GTF2F2: variants seen among roughly 807,000 people sequenced by gnomAD.
The protein encoded by GTF2F2 is ATP-dependent helicase GTF2F2.
In GTF2F2, 23 loss-of-function variants were observed where a neutral mutation model predicts 42.2. The observed-to-expected ratio is 0.55, with a 90% confidence interval of 0.39 to 0.77. The LOEUF is 0.77. Among genes scored for constraint, GTF2F2 ranks in the 30% least tolerant of loss-of-function variants. GTF2F2 has a pLI of 0.00. For synonymous variants in GTF2F2, 105 were observed against 100.8 expected, an observed-to-expected ratio of 1.04 and a Z score of -0.25; for missense variants, 261 against 287.2, an observed-to-expected ratio of 0.91 and a Z score of 0.66.
At chr13:45,210,195 A>G (rs911359613) in intron 5 of GTF2F2, among the ~76,000 whole-genome samples, 1 of 152,196 alleles carries the variant, frequency 6.6e-6, no homozygotes, top group Non-Finnish European at 1.5e-5. Flanking sequence ...ATAATGATCT[A>G]CAGGGTCCTA....
At chr13:45,121,358 T>A (rs1042650816) in intron 1 of GTF2F2, among the ~76,000 whole-genome samples, 2 of 152,236 alleles carry the variant, frequency 1.3e-5, no homozygotes, top group Non-Finnish European at 2.9e-5. Flanking sequence ...CTTTATTGTT[T>A]CATATTGGGG....
intron 7 of GTF2F2, among the ~76,000 whole-genome samples, chr13:45,275,989 C>G (rs1203681854): frequency 6.6e-6 from 1 of 152,106 alleles, no homozygotes. Context: ...CTACATGCAT[C>G]CTCCAGTATA....
intron 2 of GTF2F2, among the ~76,000 whole-genome samples, chr13:45,146,330 T>C (rs1870192276): frequency 1.3e-5 from 2 of 152,044 alleles, no homozygotes; most frequent in Non-Finnish European, 2.9e-5. Flanking sequence ...ACCCTGTCTC[T>C]ACAAAAATAA....
At chr13:45,157,051 C>T (rs752285993) in intron 4 of GTF2F2, among the ~76,000 whole-genome samples, 2 of 151,980 alleles carry the variant, frequency 1.3e-5, no homozygotes, top group Non-Finnish European at 2.9e-5. Flanking sequence ...GAAGTAGGCT[C>T]GGGAGTATCA....
At chr13:45,277,767 A>G (rs1176509036) in intron 7 of GTF2F2, among the ~76,000 whole-genome samples, 1 of 152,262 alleles carries the variant, frequency 6.6e-6, no homozygotes, top group African/African-American at 2.4e-5. Context: ...AAATTATCAC[A>G]GAATCGATAA....
At chr13:45,147,340 T>C (rs1315366116) in intron 2 of GTF2F2, among the ~76,000 whole-genome samples, 1 of 152,244 alleles carries the variant, frequency 6.6e-6, no homozygotes, top group East Asian at 1.9e-4. Flanking sequence ...GTAAACATTA[T>C]GGAAGTGTCT....
chr13:45,138,297 A>G (rs1455584306), intron 2 of GTF2F2, among the ~76,000 whole-genome samples: 1 of 152,146 alleles, frequency 6.6e-6, no homozygotes, highest in Non-Finnish European at 1.5e-5. Context: ...ATTTAAATAT[A>G]CAGTTCAGGA....
intron 5 of GTF2F2, among the ~76,000 whole-genome samples, chr13:45,238,585 T>C (rs1267940331): frequency 6.6e-6 from 1 of 152,074 alleles, no homozygotes; most frequent in Non-Finnish European, 1.5e-5. Context: ...ATCCGAACTT[T>C]CGAGATGAAA....
At chr13:45,191,247 A>G (rs1872636268) in intron 4 of GTF2F2, among the ~76,000 whole-genome samples, 1 of 137,760 alleles carries the variant, frequency 7.3e-6, no homozygotes, top group Admixed American at 7.2e-5. Context: ...ATATATATAT[A>G]TATATATAGC....
chr13:45,148,412 C>G (rs934504721), intron 2 of GTF2F2, among the ~76,000 whole-genome samples: 5 of 152,182 alleles, frequency 3.3e-5, no homozygotes, highest in African/African-American at 1.2e-4. Context: ...TTTTGCCTTT[C>G]CCTTCTAGCC....
At chr13:45,124,146 G>A (rs543350130) in intron 1 of GTF2F2, 17 of 605,992 alleles carry the variant, frequency 2.8e-5, no homozygotes, top group African/African-American at 9.1e-5. Flanking sequence ...AAGGTGGCGC[G>A]ATCTCGGCTC....
chr13:45,234,950 T>C (rs1308987566), intron 5 of GTF2F2, among the ~76,000 whole-genome samples: 2 of 137,378 alleles, frequency 1.5e-5, no homozygotes, highest in East Asian at 4.5e-4. Flanking sequence ...GAGGCCGAGG[T>C]GGGAGAATCG....
chr13:45,174,310 A>G (rs1054313326), intron 4 of GTF2F2, among the ~76,000 whole-genome samples: 1 of 152,228 alleles, frequency 6.6e-6, no homozygotes, highest in Non-Finnish European at 1.5e-5. Flanking sequence ...TTTTAAAAGT[A>G]TAGATAATTT....
chr13:45,211,956 AACAC>A (rs549220980), intron 5 of GTF2F2, among the ~76,000 whole-genome samples: 7 of 151,290 alleles, frequency 4.6e-5, no homozygotes, highest in Non-Finnish European at 4.4e-5. Flanking sequence ...AACCTGAAGA[AACAC>A]ACACACACAC....
At chr13:45,168,137 CT>C (rs1300605674) in intron 4 of GTF2F2, among the ~76,000 whole-genome samples, 18 of 152,360 alleles carry the variant, frequency 1.2e-4, no homozygotes, top group Admixed American at 1.2e-3. Flanking sequence ...CCCTTTTCTG[CT>C]GCTTCTAGGT....
intron 4 of GTF2F2, among the ~76,000 whole-genome samples, chr13:45,200,778 AG>A (rs1483075230): frequency 2.0e-5 from 3 of 152,242 alleles, no homozygotes; most frequent in Non-Finnish European, 1.5e-5. Flanking sequence ...ATGAGAAGAA[AG>A]GAGACTACTA....
chr13:45,244,532 T>C (rs1349993905), intron 5 of GTF2F2, among the ~76,000 whole-genome samples: 1 of 152,228 alleles, frequency 6.6e-6, no homozygotes, highest in Non-Finnish European at 1.5e-5. Context: ...AAATATGAGC[T>C]TAAACTTACT....
chr13:45,249,400 C>T (rs1444115962), intron 5 of GTF2F2, among the ~76,000 whole-genome samples: 1 of 151,660 alleles, frequency 6.6e-6, no homozygotes, highest in East Asian at 1.9e-4. Flanking sequence ...TCAGTGTTTT[C>T]CTTTATGTAA....
chr13:45,264,745 TC>T, intron 6 of GTF2F2, among the ~76,000 whole-genome samples: 1 of 152,224 alleles, frequency 6.6e-6, no homozygotes. Flanking sequence ...GACATGTGAC[TC>T]TGGGTTGGGA....
Sources: allele counts gnomAD v4.1 joint callset (sites outside exome capture counted in the v4.1 genomes callset), GRCh38; gene constraint gnomAD v4.1.1; transcripts MANE v1.5; gene names NCBI Gene and HGNC (gene_info 2026-07-23, HGNC 2026-07-21).